Variants in FOXP1 observed in about 807,000 individuals in gnomAD.
FOXP1 encodes forkhead box protein P1.
A neutral mutation model predicts 98.2 loss-of-function variants in FOXP1; 15 were observed. The observed-to-expected ratio is 0.15, with a 90% CI of 0.10 to 0.24. The LOEUF (loss-of-function observed/expected upper bound fraction) is 0.24. Ranked by LOEUF, FOXP1 falls within the 10% of genes least tolerant of loss-of-function variation. The probability of loss-of-function intolerance (pLI) is 1.00; values close to 1 mark genes in which losing one functional copy is unlikely to be tolerated. For synonymous variants in FOXP1, 371 were observed against 314.5 expected (o/e 1.18, Z -1.90); for missense variants, 633 against 848.5 (o/e 0.75, Z 3.15).
chr3:71,415,203 C>T (rs566384296), intron 3 of FOXP1, among the ~76,000 whole-genome samples: 8 of 152,290 alleles, frequency 5.3e-5, no homozygotes, highest in East Asian at 3.9e-4. Context: ...CTGTATCAGA[C>T]GCTCTGAGAT....
At chr3:71,529,675 G>A (rs1335391899) in intron 2 of FOXP1, among the ~76,000 whole-genome samples, 1 of 152,180 alleles carries the variant, frequency 6.6e-6, no homozygotes, top group Admixed American at 6.5e-5. Flanking sequence ...AGCCTCCATA[G>A]AAACTCAGAA....
intron 14 of FOXP1, among the ~76,000 whole-genome samples, chr3:70,984,854 T>C (rs1559642392): frequency 6.6e-6 from 1 of 152,162 alleles, no homozygotes; most frequent in African/African-American, 2.4e-5. Context: ...GATGAGCGTA[T>C]CCTCTAACTA....
intron 3 of FOXP1, among the ~76,000 whole-genome samples, chr3:71,394,551 A>G (rs564509761): frequency 3.0e-4 from 45 of 152,336 alleles, no homozygotes; most frequent in African/African-American, 1.1e-3. Flanking sequence ...TTATAGTTTT[A>G]AAAATAGACA....
intron 2 of FOXP1, among the ~76,000 whole-genome samples, chr3:71,553,187 C>A (rs2045896158): frequency 2.6e-5 from 4 of 152,054 alleles, no homozygotes; most frequent in Admixed American, 2.6e-4. Context: ...CTCAATTCTA[C>A]TATGTGGTAT....
intron 4 of FOXP1, among the ~76,000 whole-genome samples, chr3:71,330,485 A>C (rs548217401): frequency 6.6e-6 from 1 of 152,354 alleles, no homozygotes; most frequent in East Asian, 1.9e-4. Flanking sequence ...AATGAACAAA[A>C]ATAAAGAAGT....
At chr3:71,556,504 G>A (rs2046143647) in intron 2 of FOXP1, among the ~76,000 whole-genome samples, 1 of 149,516 alleles carries the variant, frequency 6.7e-6, no homozygotes, top group South Asian at 2.1e-4. Context: ...TTGAACTCGG[G>A]AGGTGGAGGT....
intron 7 of FOXP1, among the ~76,000 whole-genome samples, chr3:71,074,138 G>C (rs1255578018): frequency 6.6e-6 from 1 of 152,222 alleles, no homozygotes; most frequent in African/African-American, 2.4e-5. Context: ...ATTTCCTATA[G>C]AAGTGCTTAA....
At chr3:71,385,007 T>C (rs2080460223) in intron 3 of FOXP1, among the ~76,000 whole-genome samples, 1 of 151,722 alleles carries the variant, frequency 6.6e-6, no homozygotes, top group Admixed American at 6.6e-5. Flanking sequence ...TTTCTTTGGC[T>C]ACAGGAAAAA....
At position 70,972,452 on chromosome 3, in the gene FOXP1, A is replaced by T. The variant is rs867133947; in HGVS notation, c.1652+103T>A. 109 of 1,521,730 alleles carry T rather than the reference A, an allele frequency of 7.2e-5. No homozygotes were observed. The African/African-American group carries it at 1.4e-3, about 19-fold the overall frequency. 94.3% of individuals were successfully genotyped at this position (1,521,730 alleles called of 1,614,324 possible). ...GCTTCCCTTAACTGAGACAACGTGA[A>T]ACCAGTTCTTTGGTCTAACACCATC... is the stretch of plus-strand genomic sequence containing the variant. On this transcript the variant is annotated intron_variant, in intron 18 of 20. Coordinates refer to ENST00000649528, the MANE Select transcript of FOXP1 (RefSeq NM_001349338.3).
intron 7 of FOXP1, among the ~76,000 whole-genome samples, chr3:71,104,657 G>T (rs972415366): frequency 6.6e-6 from 1 of 150,820 alleles, no homozygotes; most frequent in Non-Finnish European, 1.5e-5. Flanking sequence ...TTATTTTAAA[G>T]AATTTTCAAT....
At chr3:71,254,532 A>G (rs1356012735) in intron 5 of FOXP1, among the ~76,000 whole-genome samples, 3 of 152,198 alleles carry the variant, frequency 2.0e-5, no homozygotes, top group Admixed American at 6.5e-5. Flanking sequence ...TGATAATACA[A>G]TCTTTCATTT....
chr3:70,997,896 G>A (rs1313508430), intron 13 of FOXP1, among the ~76,000 whole-genome samples: 2 of 152,178 alleles, frequency 1.3e-5, no homozygotes, highest in African/African-American at 4.8e-5. Context: ...TGGATGGATG[G>A]ATGCATGGAT....
chr3:71,310,310 T>A (rs138085147), intron 4 of FOXP1, among the ~76,000 whole-genome samples: 1 of 152,228 alleles, frequency 6.6e-6, no homozygotes, highest in Admixed American at 6.5e-5. Flanking sequence ...TTATAGCCTG[T>A]TTGTGGGGAT....
chr3:71,036,375 C>T (rs1283661800), intron 11 of FOXP1, among the ~76,000 whole-genome samples: 1 of 152,218 alleles, frequency 6.6e-6, no homozygotes, highest in African/African-American at 2.4e-5. Flanking sequence ...AAAGCAGAGA[C>T]TGCCCAACCA....
intron 3 of FOXP1, among the ~76,000 whole-genome samples, chr3:71,428,928 G>A (rs549997833): frequency 3.3e-5 from 5 of 152,322 alleles, no homozygotes; most frequent in African/African-American, 4.8e-5. Context: ...CTGAGGTCCC[G>A]TTCAGCTCGT....
chr3:71,187,678 A>G (rs1422576803), intron 6 of FOXP1, among the ~76,000 whole-genome samples: 1 of 152,244 alleles, frequency 6.6e-6, no homozygotes, highest in Non-Finnish European at 1.5e-5. Flanking sequence ...TGTTTATAAG[A>G]AATAGAAATT....
chr3:71,313,550 C>G (rs1228340629), intron 4 of FOXP1, among the ~76,000 whole-genome samples: 2 of 149,276 alleles, frequency 1.3e-5, no homozygotes, highest in Admixed American at 1.3e-4. Context: ...TTTTTTGAGA[C>G]AGTCTCGCAC....
chr3:71,031,946 A>C (rs2046920482), intron 11 of FOXP1, among the ~76,000 whole-genome samples: 1 of 152,226 alleles, frequency 6.6e-6, no homozygotes. Context: ...TGCTGAGTTA[A>C]CCACGTGCTT....
At chr3:71,393,388 G>C (rs1211943007) in intron 3 of FOXP1, among the ~76,000 whole-genome samples, 2 of 150,944 alleles carry the variant, frequency 1.3e-5, no homozygotes, top group Non-Finnish European at 2.9e-5. Context: ...AAGTAATGAT[G>C]ACTATAGAAG....
Sources: allele counts gnomAD v4.1 joint callset (sites outside exome capture counted in the v4.1 genomes callset), GRCh38; gene constraint gnomAD v4.1.1; transcripts MANE v1.5; gene names NCBI Gene and HGNC (gene_info 2026-07-23, HGNC 2026-07-21).